KIFC3: variants seen among roughly 807,000 people sequenced by gnomAD.
KIFC3 encodes the protein kinesin family member C3, also known as kinesin-like protein KIFC3.
KIFC3 carries 60 observed loss-of-function variants against 101.8 expected under a neutral mutation model. That is an observed-to-expected ratio of 0.59 (90% confidence interval 0.48 to 0.73). The LOEUF (loss-of-function observed/expected upper bound fraction) is 0.73. Among genes scored for constraint, KIFC3 ranks in the 30% least tolerant of loss-of-function variants. The pLI, the probability that KIFC3 is intolerant of heterozygous loss-of-function variation, is 0.00. For synonymous variants in KIFC3, 476 were observed against 482.7 expected, an observed-to-expected ratio of 0.99 and a Z score of 0.18; for missense variants, 966 against 1,137.1, an observed-to-expected ratio of 0.85 and a Z score of 2.16.
intron 3 of KIFC3, chr16:57,776,392 C>G: frequency 1.0e-6 from 1 of 984,912 alleles, no homozygotes. Flanking sequence ...GTCTTCACCT[C>G]TGGGTCCTTC....
chr16:57,782,182 T>A, intron 3 of KIFC3: 1 of 978,730 alleles, frequency 1.0e-6, no homozygotes, highest in Non-Finnish European at 1.2e-6. Flanking sequence ...ATCTTTTTTC[T>A]GTCCATTCTT....
chr16:57,784,288 G>C (rs776062027), intron 3 of KIFC3, among the ~76,000 whole-genome samples: 28 of 152,314 alleles, frequency 1.8e-4, no homozygotes, highest in Non-Finnish European at 2.8e-4. Context: ...CCAGTTAGTG[G>C]GGAAGGCAGG....
In KIFC3 at chr16:57,816,802, A is replaced by ACCTT. The variant is rs782361985; in HGVS notation, c.109-18521_109-18520insAAGG. 2,234 of 455,454 alleles carry ACCTT rather than the reference A, an allele frequency of 4.9e-3. 36 individuals carry two copies. Among genetic ancestry groups the ACCTT allele is most frequent in the African/African-American group, 0.04 (2,004 of 50,140 alleles). 28.2% of individuals were successfully genotyped at this position (455,454 alleles called of 1,614,324 possible). A position where few individuals can be genotyped will look rare whatever the true frequency, so the allele number is the denominator to read the frequency against. ...AGGCAGGAGCTCATGGGAAACCAAG[A>ACCTT]CCAGGGAACCCATCCCACCCCCAGT... is the stretch of plus-strand genomic sequence containing the variant. On this transcript the variant is annotated intron_variant, in intron 1 of 2. Transcript: ENST00000563028.
At chr16:57,806,366 C>G (rs2054936403), upstream of KIFC3, among the ~76,000 whole-genome samples, 1 of 152,152 alleles carries the variant, frequency 6.6e-6, no homozygotes, top group Non-Finnish European at 1.5e-5. Flanking sequence ...ACCTGCTTGT[C>G]CCTCCTTCAA....
intron 4 of KIFC3, among the ~76,000 whole-genome samples, chr16:57,772,004 C>T (rs536937736): frequency 2.0e-5 from 3 of 151,988 alleles, no homozygotes; most frequent in East Asian, 1.9e-4. Flanking sequence ...TTCACACTCC[C>T]GTTTAATGTC....
At chr16:57,760,639 A>AT (rs1363078603) in intron 16 of KIFC3, 87 bp downstream of exon 16, 7 of 1,292,166 alleles carry the variant, frequency 5.4e-6, no homozygotes. Flanking sequence ...GGGGAGGTCC[A>AT]TTTGCACAGC....
intron 3 of KIFC3, chr16:57,775,138 G>A: frequency 7.2e-7 from 1 of 1,380,148 alleles, no homozygotes; most frequent in South Asian, 1.7e-5. Flanking sequence ...ATGGGAACCT[G>A]GGGGCTCCTG....
chr16:57,816,537 C>CGGGCTG (rs1253546360), intron 1 of KIFC3: 4 of 456,672 alleles, frequency 8.8e-6, no homozygotes, highest in Non-Finnish European at 1.8e-5. Context: ...CAAAACCACA[C>CGGGCTG]GGGCTGCGAG....
At chr16:57,803,041 T>C (rs1555626135), upstream of KIFC3, 1 of 1,535,742 alleles carries the variant, frequency 6.5e-7, no homozygotes, top group East Asian at 2.4e-5. Flanking sequence ...GCGCACACGC[T>C]CTCACTCGCT....
intron 9 of KIFC3, among the ~76,000 whole-genome samples, chr16:57,768,880 G>A (rs2050811478): frequency 6.6e-6 from 1 of 152,160 alleles, no homozygotes; most frequent in South Asian, 2.1e-4. Context: ...AGGTAAGACT[G>A]TATCGGCCAG....
intron 1 of KIFC3, among the ~76,000 whole-genome samples, chr16:57,826,151 A>G (rs1422608010): frequency 6.6e-6 from 1 of 152,196 alleles, no homozygotes; most frequent in African/African-American, 2.4e-5. Flanking sequence ...GTCCCCACAT[A>G]CAAGCCCACA....
chr16:57,775,185 A>G, intron 3 of KIFC3: 1 of 1,333,802 alleles, frequency 7.5e-7, no homozygotes, highest in Non-Finnish European at 9.6e-7. Flanking sequence ...ACCCAAAAGG[A>G]AGTGGCCGCA....
chr16:57,785,506 G>T, intron 3 of KIFC3: 3 of 1,289,110 alleles, frequency 2.3e-6, no homozygotes, highest in African/African-American at 3.0e-5. Context: ...GGTCACTGTC[G>T]CGGAGGGCCA....
chr16:57,793,486 G>A (rs1236697115), intron 3 of KIFC3, among the ~76,000 whole-genome samples: 3 of 151,736 alleles, frequency 2.0e-5, no homozygotes, highest in African/African-American at 7.3e-5. Flanking sequence ...CCAGCTACTT[G>A]GGAGGCTGAG....
intron 1 of KIFC3, among the ~76,000 whole-genome samples, chr16:57,818,753 C>T (rs1318948390): frequency 1.3e-5 from 2 of 152,190 alleles, no homozygotes; most frequent in Non-Finnish European, 2.9e-5. Context: ...GCTTTGTAAG[C>T]TCCTCGAGGC....
upstream of KIFC3, among the ~76,000 whole-genome samples, chr16:57,805,445 C>A (rs2054913380): frequency 6.6e-6 from 1 of 152,190 alleles, no homozygotes; most frequent in East Asian, 1.9e-4. Flanking sequence ...CATTCCAACA[C>A]TGAAGTCCTA....
At chr16:57,800,632 G>A (rs1598165816) in intron 1 of KIFC3, among the ~76,000 whole-genome samples, 1 of 152,228 alleles carries the variant, frequency 6.6e-6, no homozygotes, top group African/African-American at 2.4e-5. Context: ...GGGACAGGAG[G>A]AGATAGCGTT....
Position 57,761,087 on chromosome 16 carries a change from CGAT to C in KIFC3, c.1954_1956del (p.Ile652del), listed in dbSNP as rs1429171790. On this transcript the variant is annotated inframe_deletion, in exon 15 of 20. Coordinates refer to ENST00000445690, the MANE Select transcript of KIFC3 (RefSeq NM_001130100.2). ...CTGCAGTCCACGCCTCGCACCGTCA[CGAT>C]GAGCAGCGCGTGCGAGCGGGAGCTG... 1.2e-6 allele frequency: 2 copies of C among 1,613,590 alleles called. No individual in the cohort carries two copies. Among genetic ancestry groups the C allele is most frequent in the Non-Finnish European group, 1.7e-6 (2 of 1,179,878 alleles).
chr16:57,791,952 G>A (rs1555620487), intron 3 of KIFC3, among the ~76,000 whole-genome samples: 1 of 152,210 alleles, frequency 6.6e-6, no homozygotes, highest in Non-Finnish European at 1.5e-5. Context: ...ACACAAGACT[G>A]TCCCTGAAGC....
Sources: gnomAD v4.1 joint callset for allele counts (sites outside exome capture counted in the v4.1 genomes callset) on GRCh38, gnomAD v4.1.1 for gene constraint, MANE v1.5 for transcripts, NCBI Gene and HGNC (gene_info 2026-07-23, HGNC 2026-07-21) for gene names.